The following VIT variants were observed in gnomAD, a reference collection of about 807,000 sequenced individuals.
VIT encodes the protein vitrin.
A neutral mutation model predicts 78.0 loss-of-function variants in VIT; 99 were observed. The observed-to-expected ratio is 1.27, with a 90% CI of 1.08 to 1.50. The LOEUF is 1.50. Ranked by LOEUF, VIT falls within the 40% of genes most tolerant of loss-of-function variation. The pLI, the probability that VIT is intolerant of heterozygous loss-of-function variation, is 0.00. For synonymous variants in VIT, 374 were observed against 334.3 expected (o/e 1.12, Z -1.29); for missense variants, 1,126 against 875.3 (o/e 1.29, Z -3.61).
At chr2:36,751,166 C>T (rs748111000) in intron 4 of VIT, among the ~76,000 whole-genome samples, 5 of 152,124 alleles carry the variant, frequency 3.3e-5, no homozygotes, top group African/African-American at 4.8e-5. Flanking sequence ...GAGGCCAAGG[C>T]GGGCAGATCA....
At position 36,696,942 on chromosome 2, in the gene VIT, T is replaced by C. The variant is rs949758494; in HGVS notation, c.-50T>C. ...ATATTCATTCTGTGTGGTGAAAATT[T>C]TTTGAAAAAAAAATTGCCTTCTTCA... On this transcript the variant is annotated 5_prime_UTR_variant, in exon 1 of 16. Coordinates refer to ENST00000379242, the MANE Select transcript of VIT (RefSeq NM_053276.4). 6.6e-5 allele frequency: 10 copies of C among 151,992 alleles called. No individual in the cohort carries two copies. The highest frequency in any genetic ancestry group is 4.6e-4 in the Admixed American group (7 of 15,268). The allele number at this position is 151,992 out of a possible 1,614,324, so 9.4% of individuals were successfully genotyped here.
chr2:36,724,885 T>C (rs1666738724), intron 2 of VIT, among the ~76,000 whole-genome samples: 1 of 152,232 alleles, frequency 6.6e-6, no homozygotes, highest in East Asian at 1.9e-4. Context: ...ATTTATTATT[T>C]CACTTACTCC....
chr2:36,808,397 G>T (rs559209955), intron 14 of VIT, 75 bp from the exon 15 acceptor site: 1 of 1,508,130 alleles, frequency 6.6e-7, no homozygotes, highest in Admixed American at 2.1e-5. Flanking sequence ...CACCTGCCCC[G>T]GGGGATCAAG....
intron 11 of VIT, among the ~76,000 whole-genome samples, chr2:36,786,456 T>A (rs1003539567): frequency 1.2e-4 from 19 of 152,138 alleles, no homozygotes; most frequent in African/African-American, 4.3e-4. Context: ...ACCTCTCTTA[T>A]AACCTTCATA....
At chr2:36,807,644 G>C (rs763423135) in intron 14 of VIT, among the ~76,000 whole-genome samples, 27 of 152,208 alleles carry the variant, frequency 1.8e-4, no homozygotes, top group Non-Finnish European at 3.1e-4. Flanking sequence ...CCAGAGGCAG[G>C]GGTAAGGAAG....
Position 36,801,422 on chromosome 2 carries a change from A to G in VIT, c.1162+18A>G, listed in dbSNP as rs748715248. On this transcript the variant is annotated intron_variant, in intron 13 of 15. Transcript: ENST00000379242. ...TAATGTAGGTATGTGATCCGGATTC[A>G]AATTATACTATCTTGCTACCATCGT... 3 of 1,567,998 alleles carry G rather than the reference A, an allele frequency of 1.9e-6. No homozygotes were observed. The South Asian group carries it at 3.3e-5, about 17-fold the overall frequency.
intron 13 of VIT, among the ~76,000 whole-genome samples, chr2:36,801,824 CT>C (rs1666353929): frequency 6.6e-6 from 1 of 151,398 alleles, no homozygotes; most frequent in Non-Finnish European, 1.5e-5. Context: ...ACATCTATAT[CT>C]TTTCTAAAGT....
At chr2:36,809,929 T>C (rs937039032) in intron 15 of VIT, among the ~76,000 whole-genome samples, 1 of 144,654 alleles carries the variant, frequency 6.9e-6, no homozygotes, top group Non-Finnish European at 1.5e-5. Flanking sequence ...AGTTGGAGGC[T>C]GCAGTGATCT....
intron 1 of VIT, among the ~76,000 whole-genome samples, chr2:36,713,753 GAGAA>G (rs1665956352): frequency 6.6e-6 from 1 of 152,204 alleles, no homozygotes; most frequent in Non-Finnish European, 1.5e-5. Context: ...GTAAGAGAAA[GAGAA>G]AGAGAAGTCA....
intron 4 of VIT, among the ~76,000 whole-genome samples, chr2:36,751,103 C>A (rs1328887789): frequency 6.6e-6 from 1 of 151,786 alleles, no homozygotes; most frequent in African/African-American, 2.4e-5. Context: ...CTACTAAATA[C>A]AAAAAAATTT....
intron 15 of VIT, among the ~76,000 whole-genome samples, chr2:36,813,877 T>C (rs923489582): frequency 1.5e-4 from 23 of 152,234 alleles, no homozygotes; most frequent in African/African-American, 5.5e-4. Context: ...CTTACCATGT[T>C]ATTTACTCCA....
intron 6 of VIT, 126 bp from the exon 7 acceptor site, chr2:36,766,968 C>T: frequency 1.8e-6 from 2 of 1,114,688 alleles, no homozygotes; most frequent in Non-Finnish European, 1.2e-6. Context: ...TGGGTTTCAC[C>T]CTTCACCGTG....
intron 6 of VIT, among the ~76,000 whole-genome samples, chr2:36,766,758 AAAAC>A (rs1228195538): frequency 6.6e-6 from 1 of 152,250 alleles, no homozygotes; most frequent in Non-Finnish European, 1.5e-5. Flanking sequence ...GCAAAAAACA[AAAAC>A]AAAAAAAAAT....
intron 2 of VIT, among the ~76,000 whole-genome samples, chr2:36,727,493 GA>G (rs1383807793): frequency 6.6e-6 from 1 of 152,224 alleles, no homozygotes; most frequent in African/African-American, 2.4e-5. Context: ...CAAATTAGTG[GA>G]CTTCTCCAGA....
intron 9 of VIT, among the ~76,000 whole-genome samples, chr2:36,776,133 C>A (rs1670032274): frequency 6.6e-6 from 1 of 152,226 alleles, no homozygotes; most frequent in Non-Finnish European, 1.5e-5. Context: ...AGGGAATTCC[C>A]AGCCCCTTCA....
intron 2 of VIT, among the ~76,000 whole-genome samples, chr2:36,719,108 T>C (rs1238653055): frequency 6.6e-6 from 1 of 152,228 alleles, no homozygotes; most frequent in Non-Finnish European, 1.5e-5. Flanking sequence ...GTCCCCTGCC[T>C]TTCTCAGCCT....
At chr2:36,794,611 C>T (rs779590448) in intron 12 of VIT, among the ~76,000 whole-genome samples, 10 of 152,132 alleles carry the variant, frequency 6.6e-5, no homozygotes, top group Non-Finnish European at 1.0e-4. Context: ...CCATGTACTG[C>T]GCCCTTGGTC....
At chr2:36,811,958 G>A (rs1053491394) in intron 15 of VIT, among the ~76,000 whole-genome samples, 1 of 152,136 alleles carries the variant, frequency 6.6e-6, no homozygotes, top group African/African-American at 2.4e-5. Flanking sequence ...TTACAGGTGT[G>A]AGCCACCACG....
chr2:36,796,991 A>C (rs1428483933), intron 12 of VIT, among the ~76,000 whole-genome samples: 1 of 152,226 alleles, frequency 6.6e-6, no homozygotes, highest in African/African-American at 2.4e-5. Flanking sequence ...CTAATGTAAA[A>C]AATGTACAAA....
Sources: gnomAD v4.1 joint callset for allele counts (sites outside exome capture counted in the v4.1 genomes callset) on GRCh38, gnomAD v4.1.1 for gene constraint, MANE v1.5 for transcripts, NCBI Gene and HGNC (gene_info 2026-07-23, HGNC 2026-07-21) for gene names.